The following MLXIPL variants were observed in gnomAD, a reference collection of about 807,000 sequenced individuals.
The protein encoded by MLXIPL is carbohydrate-responsive element-binding protein.
In MLXIPL, 49 loss-of-function variants were observed where a neutral mutation model predicts 81.5. The observed-to-expected ratio is 0.60, with a 90% CI of 0.48 to 0.76. MLXIPL has a LOEUF of 0.76. MLXIPL is among the 30% of genes least tolerant of loss of function. The pLI, the probability that MLXIPL is intolerant of heterozygous loss-of-function variation, is 0.00. For missense variants in MLXIPL, 1,053 were observed against 1,167.0 expected (o/e 0.90, Z 1.42); for synonymous variants, 466 against 485.5 (o/e 0.96, Z 0.53).
Position 73,596,973 on chromosome 7 carries a change from A to G in MLXIPL, c.1604-41T>C, listed in dbSNP as rs781824339. 6.2e-5 allele frequency: 98 copies of G among 1,585,932 alleles called. No individual in the cohort carries two copies. Among genetic ancestry groups the G allele is most frequent in the Non-Finnish European group, 7.7e-5 (90 of 1,168,246 alleles). On this transcript the variant is annotated intron_variant, in intron 9 of 16. Coordinates refer to ENST00000313375, the MANE Select transcript of MLXIPL (RefSeq NM_032951.3). The surrounding 1 kb of genome is among the most constrained non-coding windows in gnomAD (Gnocchi z 4.7). ...ACCGTGAGGCTACTGGGGCTGGCCC[A>G]CCCCCGGCATCTATCAAGACCCCAT...
At chr7:73,618,859 G>C (rs1206081868) in intron 1 of MLXIPL, among the ~76,000 whole-genome samples, 1 of 152,144 alleles carries the variant, frequency 6.6e-6, no homozygotes, top group African/African-American at 2.4e-5. Flanking sequence ...TCGCACCCTT[G>C]ACCTGCCTGC....
At chr7:73,621,668 C>T (rs1796356343) in intron 1 of MLXIPL, among the ~76,000 whole-genome samples, 1 of 144,974 alleles carries the variant, frequency 6.9e-6, no homozygotes, top group Admixed American at 6.8e-5. Context: ...GCCAACCCTC[C>T]ATCTCCCTCC....
the MLXIPL span, among the ~76,000 whole-genome samples, chr7:73,643,513 CA>C: frequency 0.03 from 1,850 of 62,046 alleles, 25 homozygotes; most frequent in Admixed American, 0.085. Flanking sequence ...GACTCCGTCT[CA>C]AAAAAAAAAA....
the MLXIPL span, among the ~76,000 whole-genome samples, chr7:73,644,320 G>A: frequency 6.6e-6 from 1 of 151,550 alleles, no homozygotes; most frequent in African/African-American, 2.4e-5. Flanking sequence ...TGATTCTCCT[G>A]CCTTAGGACC....
At chr7:73,632,663 G>A in the MLXIPL span, among the ~76,000 whole-genome samples, 1 of 151,978 alleles carries the variant, frequency 6.6e-6, no homozygotes, top group African/African-American at 2.4e-5. Context: ...GTCTTCCTGT[G>A]GGAAGGAAGA....
intron 5 of MLXIPL, chr7:73,606,384 T>G (rs370160566): frequency 3.8e-5 from 20 of 530,528 alleles, no homozygotes; most frequent in African/African-American, 3.3e-4. Flanking sequence ...CCCAGTTCTT[T>G]GGTCCCTCTG....
rs782096853 is a variant in MLXIPL at position 73,605,887 on chromosome 7, C to T, written c.820+23G>A. 8 of 1,570,376 alleles carry T rather than the reference C, an allele frequency of 5.1e-6. No individual in the cohort carries two copies. In the African/African-American group the frequency reaches 1.1e-4, roughly 21 times the overall value. On this transcript the variant is annotated intron_variant, in intron 6 of 16. Transcript: ENST00000313375. ...ATCTCACAGGCCTTCACCCCTCTCC[C>T]CTGCCCTTTCTCAGACCCTCACCAT... is the stretch of plus-strand genomic sequence containing the variant.
At chr7:73,605,666 C>A (rs186101760) in intron 7 of MLXIPL, 22 bp downstream of exon 7, 2 of 1,612,704 alleles carry the variant, frequency 1.2e-6, no homozygotes, top group South Asian at 2.2e-5. Flanking sequence ...GTCCACCCGA[C>A]CTGGGGAGGG....
chr7:73,637,295 C>T, the MLXIPL span, among the ~76,000 whole-genome samples: 6 of 151,086 alleles, frequency 4.0e-5, no homozygotes, highest in East Asian at 2.0e-4. Flanking sequence ...CTGGCCAACA[C>T]GGCGAAACCC....
intron 2 of MLXIPL, among the ~76,000 whole-genome samples, chr7:73,615,485 C>G (rs1795954080): frequency 6.6e-6 from 1 of 152,242 alleles, no homozygotes; most frequent in Non-Finnish European, 1.5e-5. Flanking sequence ...CTCAGCCTAC[C>G]CTAGTGCTAC....
intron 2 of MLXIPL, among the ~76,000 whole-genome samples, chr7:73,614,749 CCTGTTAT>C (rs529894232): frequency 5.2e-4 from 79 of 152,072 alleles, no homozygotes; most frequent in African/African-American, 1.9e-3. Flanking sequence ...CCCTGGAATA[CCTGTTAT>C]CTCCACACCA....
chr7:73,599,843 T>G, intron 7 of MLXIPL, 148 bp from the exon 8 acceptor site: 1 of 739,794 alleles, frequency 1.4e-6, no homozygotes, highest in East Asian at 2.6e-5. Context: ...CACAGAAGAT[T>G]GTGAAACTGG....
intron 7 of MLXIPL, among the ~76,000 whole-genome samples, chr7:73,603,238 G>A (rs1458357764): frequency 2.0e-4 from 31 of 152,176 alleles, no homozygotes; most frequent in Admixed American, 2.0e-3. Flanking sequence ...TACACGGAAT[G>A]TTTGATAAGA....
chr7:73,596,451 G>A lies in MLXIPL; in HGVS notation c.1851C>T (p.Leu617=). Residue 617 remains leucine (L), a synonymous_variant, in exon 12 of 17, where the codon CTC becomes CTT. Coordinates refer to ENST00000313375, the MANE Select transcript of MLXIPL (RefSeq NM_032951.3). This position sits in a 1 kb window ranked among gnomAD's most constrained non-coding sequence, Gnocchi z 4.7. Reference sequence around the variant, plus strand: ...GAGTCCCAGGGCCTGGCATGGAGCTGAGGTCCCCTGACAGCCGCCGTTCAC... The same window carrying A: ...GAGTCCCAGGGCCTGGCATGGAGCTAAGGTCCCCTGACAGCCGCCGTTCAC... ...SGSERRLSGD[L]SSMPGPGTLS... is the part of the protein sequence containing the mutation. The A allele has an allele frequency of 6.2e-7, 1 of 1,612,874 alleles. No homozygotes were observed. Among genetic ancestry groups the A allele is most frequent in the Non-Finnish European group, 8.5e-7 (1 of 1,179,984 alleles).
chr7:73,631,557 A>ATTT, the MLXIPL span, among the ~76,000 whole-genome samples: 1 of 84,504 alleles, frequency 1.2e-5, no homozygotes, highest in African/African-American at 4.8e-5. Context: ...GGATGTTGCT[A>ATTT]CTTTTTTTTT....
At position 73,624,341 on chromosome 7, in the gene MLXIPL, T is replaced by G. The variant is rs1554603068; in HGVS notation, c.152A>C (p.His51Pro). 6.3e-7 allele frequency: 1 copy of G among 1,587,320 alleles called. No homozygotes were observed. Among genetic ancestry groups the G allele is most frequent in the Non-Finnish European group, 8.5e-7 (1 of 1,169,764 alleles). ...GCTGTGCGGCGACGACACCATGAAG[T>G]GACCGCTGTGGATGACCTGCGAGCG... is the stretch of plus-strand genomic sequence containing the variant. ...LLRSQVIHSG[H>P]FMVSSPHSDS... Residue 51 changes from histidine to proline, a missense_variant, in exon 1 of 17, where the codon CAC (histidine) becomes CCC (proline). Around this residue, in one of 3 missense-constraint regions of MLXIPL, gnomAD observed 226 missense variants for 216.2 expected, o/e 1.05. Coordinates refer to ENST00000313375, the MANE Select transcript of MLXIPL (RefSeq NM_032951.3).
chr7:73,605,386 C>T (rs1554597611), intron 7 of MLXIPL, among the ~76,000 whole-genome samples: 2 of 152,010 alleles, frequency 1.3e-5, no homozygotes, highest in Admixed American at 6.6e-5. Context: ...TGGTGAAACC[C>T]ATCTCTACCA....
At chr7:73,625,167 G>A (rs1563520011), upstream of MLXIPL, among the ~76,000 whole-genome samples, 1 of 152,118 alleles carries the variant, frequency 6.6e-6, no homozygotes, top group Non-Finnish European at 1.5e-5. Context: ...CTGGATGACA[G>A]AGTGAGACCC....
At chr7:73,630,685 A>C in the MLXIPL span, among the ~76,000 whole-genome samples, 1 of 152,326 alleles carries the variant, frequency 6.6e-6, no homozygotes, top group East Asian at 1.9e-4. Flanking sequence ...AAACGCAGAC[A>C]ATTGAATGCC....
Sources: gnomAD v4.1 joint callset for allele counts (sites outside exome capture counted in the v4.1 genomes callset) on GRCh38, gnomAD v4.1.1 for gene constraint, gnomAD v4.1.1 regional missense constraint, Gnocchi (gnomAD v3.1) non-coding constraint, MANE v1.5 for transcripts, NCBI Gene and HGNC (gene_info 2026-07-23, HGNC 2026-07-21) for gene names.